NPAT: variants seen among roughly 807,000 people sequenced by gnomAD.
The protein encoded by NPAT is protein NPAT.
NPAT carries 52 observed loss-of-function variants against 130.7 expected under a neutral mutation model. The ratio of observed to expected loss-of-function variants is 0.40; its 90% confidence interval spans 0.32 to 0.50. The LOEUF is 0.50. Ranked by LOEUF, NPAT falls within the 20% of genes least tolerant of loss-of-function variation. The pLI is 0.68. For synonymous variants in NPAT, 580 were observed against 584.8 expected (o/e 0.99, Z 0.12); for missense variants, 1,687 against 1,662.6 (o/e 1.01, Z -0.26).
intron 1 of NPAT, among the ~76,000 whole-genome samples, chr11:108,203,720 C>T (rs1297659145): frequency 6.6e-6 from 1 of 152,112 alleles, no homozygotes; most frequent in African/African-American, 2.4e-5. Context: ...TATATACTCC[C>T]CTAAACAGTT....
intron 17 of NPAT, among the ~76,000 whole-genome samples, chr11:108,159,839 T>C (rs1379510119): frequency 6.7e-6 from 1 of 149,854 alleles, no homozygotes; most frequent in Admixed American, 6.6e-5. Flanking sequence ...GGCAAAAGAC[T>C]GTCTCTATAA....
Position 108,157,675 on chromosome 11 carries a change from G to C in NPAT, c.*1267C>G, listed in dbSNP as rs532836614. 1.4e-4 allele frequency: 21 copies of C among 152,140 alleles called. No homozygotes were observed. The South Asian group carries it at 4.3e-3, about 31-fold the overall frequency. 9.4% of individuals were successfully genotyped at this position (152,140 alleles called of 1,614,324 possible). A position where few individuals can be genotyped will look rare whatever the true frequency, so the allele number is the denominator to read the frequency against. ...CTCTTCAACAAAATATACACCTGTA[G>C]AAAAAAATCCCTAATATACTGATAT... On this transcript the variant is annotated 3_prime_UTR_variant, in exon 18 of 18. Coordinates refer to ENST00000278612, the MANE Select transcript of NPAT (RefSeq NM_002519.3).
At chr11:108,216,657 A>AAAGGC (rs968079820) in intron 1 of NPAT, among the ~76,000 whole-genome samples, 5 of 151,694 alleles carry the variant, frequency 3.3e-5, no homozygotes, top group African/African-American at 1.2e-4. Flanking sequence ...CATAACCTGG[A>AAAGGC]ATCATTACAG....
chr11:108,189,022 T>A, intron 6 of NPAT, 84 bp downstream of exon 6: 2 of 1,075,050 alleles, frequency 1.9e-6, no homozygotes, highest in Non-Finnish European at 2.8e-6. Context: ...AATTTTACAC[T>A]ATGAGTATAA....
chr11:108,180,803 T>C (rs547371013), intron 10 of NPAT, among the ~76,000 whole-genome samples: 4 of 152,338 alleles, frequency 2.6e-5, no homozygotes, highest in East Asian at 1.9e-4. Flanking sequence ...TAAATGTCCA[T>C]TGATACATGA....
At chr11:108,162,039 T>A in intron 16 of NPAT, 25 bp from the exon 17 acceptor site, 1 of 1,610,290 alleles carries the variant, frequency 6.2e-7, no homozygotes. Flanking sequence ...AACAAAACTA[T>A]TTCTAGCAGC....
chr11:108,188,893 A>G (rs190312884), intron 6 of NPAT, among the ~76,000 whole-genome samples: 2 of 152,320 alleles, frequency 1.3e-5, no homozygotes, highest in East Asian at 1.9e-4. Flanking sequence ...GAAGACTTCA[A>G]TTAGCGTAGA....
chr11:108,191,686 T>G (rs1462938747), intron 4 of NPAT, among the ~76,000 whole-genome samples: 1 of 152,206 alleles, frequency 6.6e-6, no homozygotes. Flanking sequence ...TTCATAAAAT[T>G]GATAACAGAA....
intron 15 of NPAT, among the ~76,000 whole-genome samples, chr11:108,162,711 G>A (rs906744519): frequency 1.3e-5 from 2 of 152,194 alleles, no homozygotes; most frequent in Admixed American, 6.5e-5. Context: ...GATTATAGGC[G>A]TGAACCACCG....
At chr11:108,214,631 A>ATT (rs575646719) in intron 1 of NPAT, among the ~76,000 whole-genome samples, 44 of 140,376 alleles carry the variant, frequency 3.1e-4, no homozygotes, top group Admixed American at 5.0e-4. Context: ...TATGATTCCA[A>ATT]TTTTTTTTTT....
Position 108,172,278 on chromosome 11 carries a change from T to C in NPAT, c.2706A>G (p.Leu902=), listed in dbSNP as rs750386487. ...GNSAPMTAQP[L]PPQLQTPPRS... Reference sequence around the variant, plus strand: ...TTGGTGGTGTCTGTAACTGAGGTGGTAGAGGTTGAGCAGTCATAGGTGCAG... The same window carrying C: ...TTGGTGGTGTCTGTAACTGAGGTGGCAGAGGTTGAGCAGTCATAGGTGCAG... The change falls in exon 13 of 18, where the codon CTA becomes CTG. Residue 902 remains leucine, a synonymous_variant. Coordinates refer to ENST00000278612, the MANE Select transcript of NPAT (RefSeq NM_002519.3). 8.1e-6 allele frequency: 13 copies of C among 1,613,922 alleles called. No homozygotes were observed. Among genetic ancestry groups the C allele is most frequent in the Non-Finnish European group, 1.1e-5 (13 of 1,179,806 alleles).
chr11:108,160,336 A>G (rs2077834128), intron 17 of NPAT, among the ~76,000 whole-genome samples: 1 of 152,074 alleles, frequency 6.6e-6, no homozygotes, highest in East Asian at 1.9e-4. Flanking sequence ...AAAAATGGAA[A>G]AACATACGTA....
At chr11:108,182,020 T>C (rs189124402) in intron 10 of NPAT, among the ~76,000 whole-genome samples, 165 of 152,282 alleles carry the variant, frequency 1.1e-3, no homozygotes, top group African/African-American at 3.4e-3. Context: ...GATATGCAGG[T>C]CCTTTTACAA....
Position 108,158,735 on chromosome 11 carries a change from G to A in NPAT, c.*207C>T, listed in dbSNP as rs554153206. The stretch of plus-strand genomic sequence containing the variant: ...TGGCTTTACTTACATTTCTGCAAAC[G>A]TTTTTCCCAAAATAAAAATATACCA... On this transcript the variant is annotated 3_prime_UTR_variant, in exon 18 of 18. Transcript: ENST00000278612. 3 of 496,160 alleles carry A rather than the reference G, an allele frequency of 6.0e-6. No homozygotes were observed. Among genetic ancestry groups the A allele is most frequent in the South Asian group, 2.2e-5 (1 of 44,640 alleles). The allele number at this position is 496,160 out of a possible 1,614,324, so 30.7% of individuals were successfully genotyped here.
rs1001015849 is a variant in NPAT at position 108,157,357 on chromosome 11, T to C, written c.*1585A>G. The C allele has an allele frequency of 6.6e-6, 1 of 152,184 alleles. No individual in the cohort carries two copies. Among genetic ancestry groups the C allele is most frequent in the Non-Finnish European group, 1.5e-5 (1 of 67,986 alleles). The allele number at this position is 152,184 out of a possible 1,614,324, so 9.4% of individuals were successfully genotyped here. A position where few individuals can be genotyped will look rare whatever the true frequency, so the allele number is the denominator to read the frequency against. On this transcript the variant is annotated 3_prime_UTR_variant, in exon 18 of 18. Transcript: ENST00000278612. ...CTTGCAAAGGAATTTAATCAGTTTC[T>C]AAACAAGACTGCCAATGTAAAGTAA...
chr11:108,173,348 T>A lies in NPAT; in HGVS notation c.1636A>T (p.Lys546Ter). ...QDTSLTGKPS[K>*]KSQFCENSND... Reference sequence around the variant, plus strand: ...GAATTTTCACAAAATTGACTTTTTTTAGATGGCTTTCCAGTTAATGAAGTA... The same window carrying A: ...GAATTTTCACAAAATTGACTTTTTTAAGATGGCTTTCCAGTTAATGAAGTA... The change falls in exon 13 of 18, where the codon AAA (lysine) becomes TAA (stop). Residue 546 changes from lysine to a stop codon, truncating the protein, a stop_gained. Coordinates refer to ENST00000278612, the MANE Select transcript of NPAT (RefSeq NM_002519.3). LOFTEE classifies it high-confidence loss of function. 2 of 1,613,524 alleles carry A rather than the reference T, an allele frequency of 1.2e-6. No homozygotes were observed. The highest frequency in any genetic ancestry group is 1.7e-5 in the Admixed American group (1 of 59,998).
intron 2 of NPAT, among the ~76,000 whole-genome samples, chr11:108,196,972 ATC>A (rs2078227812): frequency 6.6e-6 from 1 of 152,174 alleles, no homozygotes; most frequent in Non-Finnish European, 1.5e-5. Context: ...ATATCAAAAT[ATC>A]TGTTTTATAT....
intron 10 of NPAT, 71 bp from the exon 11 acceptor site, chr11:108,177,161 T>TAA (rs1431649297): frequency 3.0e-6 from 2 of 673,452 alleles, no homozygotes; most frequent in Non-Finnish European, 4.9e-6. Context: ...TATATATATA[T>TAA]AAGACAGGGT....
chr11:108,176,123 A>G, intron 12 of NPAT, 123 bp downstream of exon 12: 4 of 733,620 alleles, frequency 5.5e-6, no homozygotes, highest in Non-Finnish European at 9.0e-6. Context: ...CAGAGAGAAA[A>G]ATACAAAAAT....
Sources: gnomAD v4.1 joint callset for allele counts (sites outside exome capture counted in the v4.1 genomes callset) on GRCh38, gnomAD v4.1.1 for gene constraint, MANE v1.5 for transcripts, NCBI Gene and HGNC (gene_info 2026-07-23, HGNC 2026-07-21) for gene names.